Variants in CCDC110 observed in about 807,000 individuals in gnomAD.
CCDC110 encodes coiled-coil domain containing 110.
CCDC110 carries 70 observed loss-of-function variants against 77.1 expected under a neutral mutation model. That is an observed-to-expected ratio of 0.91 (90% confidence interval 0.75 to 1.11). The LOEUF is 1.11. Among genes scored for constraint, CCDC110 ranks in the 50% least tolerant of loss-of-function variants. The probability of loss-of-function intolerance (pLI) is 0.00; values close to 1 mark genes in which losing one functional copy is unlikely to be tolerated. For missense variants in CCDC110, 868 were observed against 942.9 expected, an observed-to-expected ratio of 0.92 and a Z score of 1.04; for synonymous variants, 295 against 312.5, an observed-to-expected ratio of 0.94 and a Z score of 0.59.
Position 185,458,793 on chromosome 4 carries a change from TTC to T in CCDC110, c.1792_1793del (p.Glu598LysfsTer7). On this transcript the variant is annotated frameshift_variant, in exon 6 of 7. Coordinates refer to ENST00000307588, the MANE Select transcript of CCDC110 (RefSeq NM_152775.4). LOFTEE classifies it high-confidence loss of function. ...TTAGTTCATTTCCAAGTGAGCTTTT[TTC>T]TTTTAGAAGCTGGTGTGTTTTTTTC... is the stretch of plus-strand genomic sequence containing the variant. ...LEKKTHQLLK[E>X]KSSLGNELKE... 6.2e-7 allele frequency: 1 copy of T among 1,610,644 alleles called. No individual in the cohort carries two copies. Among genetic ancestry groups the T allele is most frequent in the Non-Finnish European group, 8.5e-7 (1 of 1,179,308 alleles).
chr4:185,462,604 A>C, intron 4 of CCDC110, 39 bp downstream of exon 4: 1 of 1,500,898 alleles, frequency 6.7e-7, no homozygotes, highest in African/African-American at 1.4e-5. Flanking sequence ...ATGATACTTC[A>C]AGGTGAGATA....
At chr4:185,463,241 T>C (rs567144881) in intron 2 of CCDC110, among the ~76,000 whole-genome samples, 192 bp from the exon 3 acceptor site, 38 of 152,284 alleles carry the variant, frequency 2.5e-4, no homozygotes, top group African/African-American at 8.9e-4. Context: ...CCACTTGAGG[T>C]TGTAATAGTG....
Position 185,460,023 on chromosome 4 carries a change from T to G in CCDC110, c.564A>C (p.Ser188=). The G allele has an allele frequency of 6.2e-7, 1 of 1,613,336 alleles. No individual in the cohort carries two copies. The highest frequency in any genetic ancestry group is 8.5e-7 in the Non-Finnish European group (1 of 1,179,554). ...AATTCTTCAAGATGTCAGAATTTTC[T>G]GAAGGGTGTATAATTATGTTTGAAG... ...NLSSNIIIHP[S]ENSDILKNYN... is the part of the protein sequence containing the mutation. Residue 188 remains serine (S), a synonymous_variant, in exon 6 of 7, where the codon TCA becomes TCC. Transcript: ENST00000307588.
intron 4 of CCDC110, 141 bp downstream of exon 4, chr4:185,462,502 A>C: frequency 1.6e-6 from 1 of 644,924 alleles, no homozygotes; most frequent in South Asian, 2.1e-5. Flanking sequence ...CTTTAAAATA[A>C]ATTTTGAGCC....
intron 6 of CCDC110, among the ~76,000 whole-genome samples, chr4:185,450,320 A>G (rs575179400): frequency 8.4e-4 from 128 of 152,306 alleles, no homozygotes; most frequent in African/African-American, 3.0e-3. Flanking sequence ...GGATAGATGG[A>G]TGAAGTCAGT....
chr4:185,452,696 A>C (rs1210247932), intron 6 of CCDC110, among the ~76,000 whole-genome samples: 1 of 152,174 alleles, frequency 6.6e-6, no homozygotes, highest in Non-Finnish European at 1.5e-5. Flanking sequence ...GGAGTTCGAG[A>C]CCAGCTTGAT....
chr4:185,470,870 G>T, intron 2 of CCDC110, 75 bp downstream of exon 2: 2 of 1,062,106 alleles, frequency 1.9e-6, no homozygotes, highest in East Asian at 4.8e-5. Flanking sequence ...AGCACGCCAG[G>T]TGAGCAGGTG....
chr4:185,450,615 C>T lies in CCDC110; in HGVS notation c.2462-5073G>A, dbSNP rs143033170. The stretch of plus-strand genomic sequence containing the variant: ...TACAAAAATTATCTGGGCATGGTGG[C>T]GTGTGCCTGTCATCCCAGCTCGGGA... On this transcript the variant is annotated intron_variant, in intron 6 of 6. Transcript: ENST00000307588. 4.6e-3 allele frequency among the ~76,000 whole-genome samples: 703 copies of T among 152,050 alleles called. 6 individuals are homozygous for T. Among genetic ancestry groups the T allele is most frequent in the Middle Eastern group, 0.01 (3 of 294 alleles).
chr4:185,464,948 C>T (rs901832965), intron 2 of CCDC110, among the ~76,000 whole-genome samples: 6 of 152,010 alleles, frequency 3.9e-5, no homozygotes, highest in African/African-American at 1.4e-4. Context: ...CAATAACATA[C>T]AGTTCTATTG....
rs562387307 is a variant in CCDC110 at position 185,458,613 on chromosome 4, C to T, written c.1974G>A (p.Met658Ile). 7 of 1,608,134 alleles carry T rather than the reference C, an allele frequency of 4.4e-6. No homozygotes were observed. In the African/African-American group the frequency reaches 9.3e-5, roughly 21 times the overall value. The change falls in exon 6 of 7, where the codon ATG (methionine) becomes ATA (isoleucine). Residue 658 changes from methionine (M) to isoleucine (I), a missense_variant. By Grantham distance (10) the Met-to-Ile change is conservative. Coordinates refer to ENST00000307588, the MANE Select transcript of CCDC110 (RefSeq NM_152775.4). ...TTTGAATATTCTCAATTTCTCTTTC[C>T]ATAATTTGTCTGGCAGCAGTAGATT... ...LQESTAARQIMEREIENIQTY... is the reference protein window; with the variant it reads ...LQESTAARQIIEREIENIQTY...
intron 6 of CCDC110, among the ~76,000 whole-genome samples, chr4:185,448,419 A>C (rs2095621101): frequency 6.6e-6 from 1 of 152,090 alleles, no homozygotes; most frequent in Non-Finnish European, 1.5e-5. Context: ...CGTTTTTTGC[A>C]TATTTTATCT....
At chr4:185,460,697 G>A (rs577914485) in intron 5 of CCDC110, among the ~76,000 whole-genome samples, 6 of 152,256 alleles carry the variant, frequency 3.9e-5, no homozygotes, top group African/African-American at 9.6e-5. Context: ...TGGACACAGT[G>A]ATGGTAACTT....
chr4:185,452,333 C>G (rs1580170790), intron 6 of CCDC110: 1 of 985,416 alleles, frequency 1.0e-6, no homozygotes, highest in African/African-American at 1.7e-5. Context: ...ACATCAGTCT[C>G]TGCTACAAAC....
intron 2 of CCDC110, among the ~76,000 whole-genome samples, chr4:185,465,041 A>G (rs2095653002): frequency 6.6e-6 from 1 of 152,140 alleles, no homozygotes; most frequent in African/African-American, 2.4e-5. Flanking sequence ...CCCTCTTTTC[A>G]TGGTATTTGC....
chr4:185,463,458 C>T (rs2095650066), intron 2 of CCDC110, among the ~76,000 whole-genome samples: 1 of 152,180 alleles, frequency 6.6e-6, no homozygotes, highest in South Asian at 2.1e-4. Flanking sequence ...CTTATGGAAA[C>T]CAAGTTGGAT....
Position 185,445,457 on chromosome 4 carries a change from A to C in CCDC110, c.*45T>G. On this transcript the variant is annotated 3_prime_UTR_variant, in exon 7 of 7. Coordinates refer to ENST00000307588, the MANE Select transcript of CCDC110 (RefSeq NM_152775.4). ...TAGTTCAGTTAGCAGTACAATTAAC[A>C]TTGGCTATTTCTCGAAGGGAGTTTC... 1 of 1,355,540 alleles carries C rather than the reference A, an allele frequency of 7.4e-7. No homozygotes were observed. Among genetic ancestry groups the C allele is most frequent in the Non-Finnish European group, 1.0e-6 (1 of 956,810 alleles). 84.0% of individuals were successfully genotyped at this position (1,355,540 alleles called of 1,614,324 possible). A position where few individuals can be genotyped will look rare whatever the true frequency, so the allele number is the denominator to read the frequency against.
At chr4:185,448,213 G>T (rs968063196) in intron 6 of CCDC110, among the ~76,000 whole-genome samples, 36 of 152,028 alleles carry the variant, frequency 2.4e-4, no homozygotes, top group Admixed American at 3.9e-4. Context: ...TAGAGAAGGG[G>T]TTTTGCCGTG....
Position 185,458,844 on chromosome 4 carries a change from T to G in CCDC110, c.1743A>C (p.Ile581=). 1 of 1,605,496 alleles carries G rather than the reference T, an allele frequency of 6.2e-7. No homozygotes were observed. The highest frequency in any genetic ancestry group is 1.7e-5 in the Admixed American group (1 of 58,512). ...MEAMKTNILL[I]QDEKEMLEKK... ...TCTCTAACATTTCTTTTTCATCTTG[T>G]ATCAACAGAATATTGGTTTTCATTG... Residue 581 remains isoleucine (I), a synonymous_variant, in exon 6 of 7, where the codon ATA becomes ATC. Coordinates refer to ENST00000307588, the MANE Select transcript of CCDC110 (RefSeq NM_152775.4).
In CCDC110 at chr4:185,471,655, C is replaced by T. The variant is rs762039245; in HGVS notation, c.10+19G>A. Reference sequence around the variant, plus strand: ...GTTCCCGCGGCTCCCCTAGGAGCCCCGCCCCGTCCAACTCTTACCCGGGCT... The same window carrying T: ...GTTCCCGCGGCTCCCCTAGGAGCCCTGCCCCGTCCAACTCTTACCCGGGCT... On this transcript the variant is annotated intron_variant, in intron 1 of 6. Coordinates refer to ENST00000307588, the MANE Select transcript of CCDC110 (RefSeq NM_152775.4). The T allele has an allele frequency of 6.4e-7, 1 of 1,563,500 alleles. No individual in the cohort carries two copies. The highest frequency in any genetic ancestry group is 1.2e-5 in the South Asian group (1 of 83,828).
Sources: gnomAD v4.1 joint callset for allele counts (sites outside exome capture counted in the v4.1 genomes callset) on GRCh38, gnomAD v4.1.1 for gene constraint, MANE v1.5 for transcripts, NCBI Gene and HGNC (gene_info 2026-07-23, HGNC 2026-07-21) for gene names.